MAP3K14: variants seen among roughly 807,000 people sequenced by gnomAD.
MAP3K14 encodes mitogen-activated protein kinase kinase kinase 14, also known as NF-kappa-beta-inducing kinase.
MAP3K14 carries 16 observed loss-of-function variants against 99.2 expected under a neutral mutation model. That is an observed-to-expected ratio of 0.16 (90% CI 0.11 to 0.24). The LOEUF (loss-of-function observed/expected upper bound fraction) is 0.24, where lower values mean the gene tolerates loss of function less well. Among genes scored for constraint, MAP3K14 ranks in the 10% least tolerant of loss-of-function variants. The pLI is 1.00. For missense variants in MAP3K14, 784 were observed against 1,208.7 expected, an observed-to-expected ratio of 0.65 and a Z score of 5.21; for synonymous variants, 462 against 492.4, an observed-to-expected ratio of 0.94 and a Z score of 0.82.
intron 1 of MAP3K14, among the ~76,000 whole-genome samples, chr17:45,299,743 T>C (rs1331719765): frequency 6.6e-6 from 1 of 152,240 alleles, no homozygotes; most frequent in East Asian, 1.9e-4. Flanking sequence ...ACATTAATCA[T>C]TAAAATCTTA....
At chr17:45,301,218 C>T (rs1216933952) in intron 1 of MAP3K14, among the ~76,000 whole-genome samples, 1 of 150,490 alleles carries the variant, frequency 6.6e-6, no homozygotes, top group African/African-American at 2.4e-5. Flanking sequence ...AATCCCAACA[C>T]TTTGGGAGGC....
At chr17:45,300,569 C>T (rs532696006) in intron 1 of MAP3K14, among the ~76,000 whole-genome samples, 2 of 152,314 alleles carry the variant, frequency 1.3e-5, no homozygotes, top group Admixed American at 6.5e-5. Context: ...CCACCCCATA[C>T]ATCCTGCTTG....
At chr17:45,293,255 C>T (rs111258104) in intron 1 of MAP3K14, among the ~76,000 whole-genome samples, 7 of 152,294 alleles carry the variant, frequency 4.6e-5, no homozygotes, top group Non-Finnish European at 8.8e-5. Flanking sequence ...CTGAGGGGCA[C>T]GTGGCTATTA....
At chr17:45,276,893 TATCTC>T (rs1256595003) in intron 6 of MAP3K14, among the ~76,000 whole-genome samples, 5 of 132,864 alleles carry the variant, frequency 3.8e-5, no homozygotes, top group South Asian at 2.4e-4. Flanking sequence ...AGTGGTGTGA[TATCTC>T]AGCTCACTGC....
intron 11 of MAP3K14, among the ~76,000 whole-genome samples, chr17:45,270,123 CAT>C (rs1280761804): frequency 6.6e-6 from 1 of 152,152 alleles, no homozygotes; most frequent in East Asian, 1.9e-4. Flanking sequence ...AATCCCCACA[CAT>C]GTGGTCACAG....
Position 45,264,612 on chromosome 17 carries a change from T to C in MAP3K14, c.*24A>G. ...AGCAGGAAGGCTGCTTCCGGCAGTG[T>C]GGAGCCGGCGGTGGAGGGCAGGGTT... On this transcript the variant is annotated 3_prime_UTR_variant, in exon 16 of 16. Transcript: ENST00000344686. The C allele has an allele frequency of 6.4e-7, 1 of 1,552,154 alleles. No individual in the cohort carries two copies. Among genetic ancestry groups the C allele is most frequent in the Non-Finnish European group, 8.7e-7 (1 of 1,148,744 alleles).
At chr17:45,274,704 A>G in intron 6 of MAP3K14, 111 bp from the exon 7 acceptor site, 1 of 1,363,200 alleles carries the variant, frequency 7.3e-7, no homozygotes, top group Non-Finnish European at 9.8e-7. Flanking sequence ...TGCTGTTTCC[A>G]GTGGTGATGC....
chr17:45,287,208 C>A lies in MAP3K14; in HGVS notation c.483G>T (p.Leu161Phe), dbSNP rs754302477. 6.2e-7 allele frequency: 1 copy of A among 1,613,944 alleles called. No individual in the cohort carries two copies. Among genetic ancestry groups the A allele is most frequent in the East Asian group, 2.2e-5 (1 of 44,880 alleles). ...SKSLAHAGVA[L>F]AKPLPRTPEQ... Reference sequence around the variant, plus strand: ...CAGGGGTCCTGGGGAGGGGTTTGGCCAAGGCCACTCCTGCATGAGCCAGGG... The same window carrying A: ...CAGGGGTCCTGGGGAGGGGTTTGGCAAAGGCCACTCCTGCATGAGCCAGGG... Residue 161 changes from leucine to phenylalanine, a missense_variant, in exon 4 of 16, where the codon TTG becomes TTT. This residue lies in a region of MAP3K14 where 188 missense variants were observed against 313.0 expected (regional missense o/e 0.60). Transcript: ENST00000344686.
Position 45,270,410 on chromosome 17 carries a change from T to C in MAP3K14, c.1972+3A>G. 1 of 1,610,302 alleles carries C rather than the reference T, an allele frequency of 6.2e-7. No individual in the cohort carries two copies. Among genetic ancestry groups the C allele is most frequent in the South Asian group, 1.1e-5 (1 of 90,904 alleles). ...GGGTCAGCCAGCGTGGGGCTCTTCC[T>C]ACCTTGCTGTAGTGCCCGGTTCACC... On this transcript the variant is annotated splice_donor_region_variant and intron_variant, in intron 11 of 15. Coordinates refer to ENST00000344686, the MANE Select transcript of MAP3K14 (RefSeq NM_003954.5).
At chr17:45,316,666 G>A (rs1055241898) in intron 1 of MAP3K14, among the ~76,000 whole-genome samples, 6 of 152,242 alleles carry the variant, frequency 3.9e-5, no homozygotes, top group Admixed American at 3.9e-4. Context: ...GGGCACTAGT[G>A]AAGGGGAAGC....
At chr17:45,275,254 G>A (rs914253358) in intron 6 of MAP3K14, among the ~76,000 whole-genome samples, 5 of 152,076 alleles carry the variant, frequency 3.3e-5, no homozygotes, top group African/African-American at 7.2e-5. Context: ...AGGAGATCGA[G>A]GTCGGGAGAT....
chr17:45,287,449 C>T, intron 3 of MAP3K14, 85 bp from the exon 4 acceptor site: 1 of 1,168,846 alleles, frequency 8.6e-7, no homozygotes, highest in Non-Finnish European at 1.2e-6. Flanking sequence ...TGGACTCCTG[C>T]AGATCCAAGG....
chr17:45,268,638 T>C (rs1334895391), intron 11 of MAP3K14: 1 of 152,154 alleles, frequency 6.6e-6, no homozygotes, highest in Non-Finnish European at 1.5e-5. Flanking sequence ...GCACCATGGC[T>C]TTAGGATCCA....
At chr17:45,287,889 T>G (rs560096828) in intron 3 of MAP3K14, among the ~76,000 whole-genome samples, 1 of 152,204 alleles carries the variant, frequency 6.6e-6, no homozygotes, top group Admixed American at 6.5e-5. Flanking sequence ...TTCCTGGGGG[T>G]CCCTGGCTGC....
At chr17:45,288,872 C>G (rs1418281185) in intron 3 of MAP3K14, among the ~76,000 whole-genome samples, 2 of 151,334 alleles carry the variant, frequency 1.3e-5, no homozygotes, top group Non-Finnish European at 3.0e-5. Context: ...CAGTGGAAGG[C>G]CCCCCCCACC....
rs577831952 is a variant in MAP3K14 at position 45,270,950 on chromosome 17, G to A, written c.1821+108C>T. On this transcript the variant is annotated intron_variant, in intron 10 of 15. Transcript: ENST00000344686. ...ATTAGGATCCCACATGGATGACCAG[G>A]CCTCCCCTTGCTCCATCTGCCACCG... The A allele has an allele frequency of 2.6e-4, 373 of 1,407,964 alleles. 2 individuals are homozygous for A. The East Asian group carries it at 7.8e-3, about 29-fold the overall frequency. 87.2% of individuals were successfully genotyped at this position (1,407,964 alleles called of 1,614,324 possible).
chr17:45,304,010 C>CTTTTTTTTTTTTT (rs1026894731), intron 1 of MAP3K14, among the ~76,000 whole-genome samples: 5 of 127,736 alleles, frequency 3.9e-5, no homozygotes, highest in African/African-American at 8.4e-5. Context: ...CTTTTCTTTT[C>CTTTTTTTTTTTTT]TTTTTTTTTT....
chr17:45,286,371 G>T lies in MAP3K14; in HGVS notation c.1152+60C>A. The T allele has an allele frequency of 6.7e-7, 1 of 1,487,530 alleles. No individual in the cohort carries two copies. The highest frequency in any genetic ancestry group is 1.4e-5 in the South Asian group (1 of 72,166). 92.1% of individuals were successfully genotyped at this position (1,487,530 alleles called of 1,614,324 possible). A position where few individuals can be genotyped will look rare whatever the true frequency, so the allele number is the denominator to read the frequency against. Reference sequence around the variant, plus strand: ...GGCAAGAGTGACTCTGATAAAGAGAGAAAAGCATCCCCCAGGTTGCTGGTA... The same window carrying T: ...GGCAAGAGTGACTCTGATAAAGAGATAAAAGCATCCCCCAGGTTGCTGGTA... On this transcript the variant is annotated intron_variant, in intron 5 of 15. Coordinates refer to ENST00000344686, the MANE Select transcript of MAP3K14 (RefSeq NM_003954.5). The surrounding 1 kb of genome is among the most constrained non-coding windows in gnomAD (Gnocchi z 4.1).
chr17:45,271,775 C>A (rs1421139570), intron 9 of MAP3K14, among the ~76,000 whole-genome samples: 2 of 152,164 alleles, frequency 1.3e-5, no homozygotes, highest in Non-Finnish European at 2.9e-5. Flanking sequence ...GCCCTTTGGA[C>A]CAAACCCTTA....
Sources: gnomAD v4.1 joint callset for allele counts (sites outside exome capture counted in the v4.1 genomes callset) on GRCh38, gnomAD v4.1.1 for gene constraint, gnomAD v4.1.1 regional missense constraint, Gnocchi (gnomAD v3.1) non-coding constraint, MANE v1.5 for transcripts, NCBI Gene and HGNC (gene_info 2026-07-23, HGNC 2026-07-21) for gene names.